The following RANBP2 variants were observed in gnomAD, a reference collection of about 807,000 sequenced individuals.
RANBP2 encodes E3 SUMO-protein ligase RanBP2.
In RANBP2, 57 loss-of-function variants were observed where a neutral mutation model predicts 303.6. That is an observed-to-expected ratio of 0.19 (90% confidence interval 0.15 to 0.23). The LOEUF is 0.23. Ranked by LOEUF, RANBP2 falls within the 10% of genes least tolerant of loss-of-function variation. The pLI is 1.00. For synonymous variants in RANBP2, 1,167 were observed against 1,301.5 expected (o/e 0.90, Z 2.23); for missense variants, 3,138 against 3,780.8 (o/e 0.83, Z 4.46).
At chr2:109,539,730 A>T in the RANBP2 span, among the ~76,000 whole-genome samples, 2 of 152,200 alleles carry the variant, frequency 1.3e-5, no homozygotes, top group Non-Finnish European at 2.9e-5. Context: ...GGAGTGAGCC[A>T]CCGTGCCCGG....
chr2:108,798,010 C>T, the RANBP2 span, among the ~76,000 whole-genome samples: 269 of 148,922 alleles, frequency 1.8e-3, 1 homozygote, highest in African/African-American at 6.1e-3. Context: ...TAGCATGGGA[C>T]CAGGGAAGGT....
chr2:109,482,629 C>T, the RANBP2 span, among the ~76,000 whole-genome samples: 1 of 152,332 alleles, frequency 6.6e-6, no homozygotes, highest in Non-Finnish European at 1.5e-5. Flanking sequence ...TCTTCACCAT[C>T]GTTTTGAGTG....
chr2:109,264,077 C>G, the RANBP2 span, among the ~76,000 whole-genome samples: 1 of 152,234 alleles, frequency 6.6e-6, no homozygotes, highest in Non-Finnish European at 1.5e-5. Context: ...TCCTCCCTGT[C>G]TTTAAGCTAC....
At chr2:109,293,835 G>A in the RANBP2 span, among the ~76,000 whole-genome samples, 6 of 152,314 alleles carry the variant, frequency 3.9e-5, no homozygotes, top group African/African-American at 1.2e-4. Context: ...GCTGGGAGCC[G>A]CAGCCCAGGT....
the RANBP2 span, among the ~76,000 whole-genome samples, chr2:109,360,577 G>C: frequency 4.6e-5 from 7 of 152,178 alleles, no homozygotes; most frequent in African/African-American, 1.7e-4. Flanking sequence ...GAAAACATCT[G>C]AAGTCCAAAA....
At chr2:109,507,819 C>T in the RANBP2 span, among the ~76,000 whole-genome samples, 1 of 152,178 alleles carries the variant, frequency 6.6e-6, no homozygotes, top group South Asian at 2.1e-4. Context: ...GGCAGACAAT[C>T]AGACGTGTGC....
At chr2:109,249,565 TTCCTTCCTTCCTTCC>T in the RANBP2 span, among the ~76,000 whole-genome samples, 7 of 139,072 alleles carry the variant, frequency 5.0e-5, no homozygotes, top group Non-Finnish European at 1.1e-4. Flanking sequence ...CCTTCCTTCC[TTCCTTCCTTCCTTCC>T]TTCCTTTCCT....
chr2:109,538,820 G>C, the RANBP2 span, among the ~76,000 whole-genome samples: 1 of 152,160 alleles, frequency 6.6e-6, no homozygotes, highest in Non-Finnish European at 1.5e-5. Context: ...CAGCTGGCCT[G>C]CATTGTCTTT....
the RANBP2 span, among the ~76,000 whole-genome samples, chr2:109,136,849 AC>A: frequency 6.6e-6 from 1 of 152,186 alleles, no homozygotes; most frequent in African/African-American, 2.4e-5. Flanking sequence ...GCACCGGGGC[AC>A]CTGTAAATGT....
the RANBP2 span, among the ~76,000 whole-genome samples, chr2:108,907,190 A>C: frequency 6.6e-6 from 1 of 152,254 alleles, no homozygotes; most frequent in Non-Finnish European, 1.5e-5. Context: ...TTAAAAATGC[A>C]TAGAAGAAAA....
the RANBP2 span, among the ~76,000 whole-genome samples, chr2:108,963,230 CTCTGTGG>C: frequency 7.2e-5 from 11 of 152,172 alleles, no homozygotes; most frequent in Admixed American, 5.9e-4. Flanking sequence ...TTATCTGAAA[CTCTGTGG>C]CCAACGTAAA....
chr2:109,420,286 C>T, the RANBP2 span, among the ~76,000 whole-genome samples: 1 of 152,160 alleles, frequency 6.6e-6, no homozygotes, highest in Non-Finnish European at 1.5e-5. Context: ...AGAGCTCAGT[C>T]ACTTGAATGA....
At chr2:109,483,167 C>T in the RANBP2 span, among the ~76,000 whole-genome samples, 1 of 152,224 alleles carries the variant, frequency 6.6e-6, no homozygotes, top group Admixed American at 6.5e-5. Flanking sequence ...AAAATTTTAA[C>T]AGAGCACAGC....
At chr2:109,567,969 A>G in the RANBP2 span, 1 of 1,591,566 alleles carries the variant, frequency 6.3e-7, no homozygotes, top group South Asian at 1.1e-5. Flanking sequence ...CACTGGTATA[A>G]TGTTTACCTA....
chr2:108,794,275 T>C, the RANBP2 span, among the ~76,000 whole-genome samples: 3 of 152,188 alleles, frequency 2.0e-5, no homozygotes, highest in Admixed American at 2.0e-4. Context: ...TTAGTGTCTT[T>C]TTATATCCTT....
chr2:109,346,886 C>T, the RANBP2 span, among the ~76,000 whole-genome samples: 18 of 152,336 alleles, frequency 1.2e-4, no homozygotes, highest in East Asian at 1.9e-4. Context: ...CTGGAACAGA[C>T]TGCTACAAGT....
At chr2:109,191,012 G>A in the RANBP2 span, among the ~76,000 whole-genome samples, 1 of 151,780 alleles carries the variant, frequency 6.6e-6, no homozygotes, top group Non-Finnish European at 1.5e-5. Context: ...TTTCTGTAAA[G>A]GGCCAGAGAG....
chr2:109,334,290 C>T, the RANBP2 span, among the ~76,000 whole-genome samples: 1 of 144,776 alleles, frequency 6.9e-6, no homozygotes, highest in South Asian at 2.2e-4. Flanking sequence ...CCCAGGAAGT[C>T]AAGGCTTCAG....
At chr2:109,626,962 C>G in the RANBP2 span, among the ~76,000 whole-genome samples, 1 of 152,146 alleles carries the variant, frequency 6.6e-6, no homozygotes, top group South Asian at 2.1e-4. Context: ...TGTGCTCAGA[C>G]TTGTGGTGGA....
Sources: allele counts gnomAD v4.1 joint callset (sites outside exome capture counted in the v4.1 genomes callset), GRCh38; gene constraint gnomAD v4.1.1; transcripts MANE v1.5; gene names NCBI Gene and HGNC (gene_info 2026-07-23, HGNC 2026-07-21).